TXNDC12: variants seen among roughly 807,000 people sequenced by gnomAD.
TXNDC12 encodes the protein thioredoxin domain containing 12.
Under a neutral mutation model 24.2 loss-of-function variants are expected in TXNDC12, and 22 were observed. The observed-to-expected ratio is 0.91, with a 90% CI of 0.65 to 1.30. TXNDC12 has a LOEUF of 1.30. Among genes scored for constraint, TXNDC12 ranks in the 50% most tolerant of loss-of-function variants. The pLI, the probability that TXNDC12 is intolerant of heterozygous loss-of-function variation, is 0.00. For missense variants in TXNDC12, 184 were observed against 205.8 expected (o/e 0.89, Z 0.65); for synonymous variants, 58 against 73.4 (o/e 0.79, Z 1.07).
Position 52,054,982 on chromosome 1 carries a change from A to G in TXNDC12, c.97+18T>C, listed in dbSNP as rs1266789905. The stretch of plus-strand genomic sequence containing the variant: ...TATAGTAAAGATCAGTAAAGAGAAG[A>G]TAAGAACGCGGTCTGACCCTTTCCA... On this transcript the variant is annotated intron_variant, in intron 1 of 6. Transcript: ENST00000371626. The G allele has an allele frequency of 1.3e-6, 2 of 1,581,102 alleles. No individual in the cohort carries two copies. The highest frequency in any genetic ancestry group is 8.7e-7 in the Non-Finnish European group (1 of 1,150,092).
At chr1:52,029,077 G>A (rs1685716520) in intron 2 of TXNDC12, among the ~76,000 whole-genome samples, 1 of 152,136 alleles carries the variant, frequency 6.6e-6, no homozygotes, top group Admixed American at 6.5e-5. Flanking sequence ...GCAGTGAGCT[G>A]AGACCGCACC....
At chr1:52,055,418 G>A (rs987246097), upstream of TXNDC12, 2 of 289,324 alleles carry the variant, frequency 6.9e-6, no homozygotes, top group Admixed American at 4.7e-5. Flanking sequence ...AGGGGCGGGG[G>A]AGAGGTTCGG....
intron 4 of TXNDC12, among the ~76,000 whole-genome samples, chr1:52,025,363 G>A (rs1041939126): frequency 7.2e-5 from 11 of 151,988 alleles, no homozygotes; most frequent in Non-Finnish European, 1.2e-4. Flanking sequence ...GACTACAGGT[G>A]CCCGCCACCA....
chr1:52,033,302 C>A, intron 2 of TXNDC12: 1 of 1,613,934 alleles, frequency 6.2e-7, no homozygotes, highest in Non-Finnish European at 8.5e-7. Flanking sequence ...GTATGCAGTT[C>A]CCTGAGGACG....
At chr1:52,028,656 A>T (rs780907578) in intron 2 of TXNDC12, 26 bp from the exon 3 acceptor site, 2 of 1,542,110 alleles carry the variant, frequency 1.3e-6, no homozygotes, top group Non-Finnish European at 1.8e-6. Flanking sequence ...AAGAAATTAT[A>T]ATCTAGTAAT....
intron 1 of TXNDC12, among the ~76,000 whole-genome samples, chr1:52,053,256 CT>C (rs1185618578): frequency 6.6e-6 from 1 of 151,980 alleles, no homozygotes; most frequent in Non-Finnish European, 1.5e-5. Context: ...GAGACTCCGT[CT>C]CAAAAACAAA....
At chr1:52,044,387 C>T (rs1686049267) in intron 1 of TXNDC12, 1 of 152,142 alleles carries the variant, frequency 6.6e-6, no homozygotes, top group South Asian at 2.1e-4. Context: ...GAGTGGTACC[C>T]CCTGGTTTTC....
upstream of TXNDC12, chr1:52,055,269 T>C (rs900669521): frequency 8.6e-5 from 51 of 592,036 alleles, no homozygotes; most frequent in Admixed American, 4.4e-4. Context: ...GCCTCCGGGG[T>C]CCGGTTTGGG....
chr1:52,055,481 A>G, upstream of TXNDC12: 1 of 219,546 alleles, frequency 4.6e-6, no homozygotes, highest in Non-Finnish European at 9.3e-6. Context: ...CCCCCCAAGA[A>G]CCGCTGCACT....
At position 52,052,970 on chromosome 1, in the gene TXNDC12, G is replaced by A. The variant is rs191526531; in HGVS notation, c.97+2030C>T. 8.2e-4 allele frequency among the ~76,000 whole-genome samples: 125 copies of A among 152,218 alleles called. 1 individual carries two copies. The highest frequency in any genetic ancestry group is 1.4e-3 in the Non-Finnish European group (98 of 68,030). On this transcript the variant is annotated intron_variant, in intron 1 of 6. Transcript: ENST00000371626. ...ATTAAAACTCAGATCTAGGCCTGGC[G>A]CAGTGGCTCCCGCCTATAATCCCAA...
chr1:52,050,462 T>C (rs183474776), intron 1 of TXNDC12, among the ~76,000 whole-genome samples: 2 of 152,334 alleles, frequency 1.3e-5, no homozygotes, highest in Admixed American at 1.3e-4. Context: ...CAACCATTTC[T>C]AAACACAGCA....
At chr1:52,038,319 T>G (rs1685921708) in intron 2 of TXNDC12, among the ~76,000 whole-genome samples, 1 of 151,954 alleles carries the variant, frequency 6.6e-6, no homozygotes, top group Admixed American at 6.6e-5. Context: ...TATCTTGTTT[T>G]TTTTTTTTTT....
chr1:52,033,404 C>T (rs1341351705), intron 2 of TXNDC12: 1 of 1,451,274 alleles, frequency 6.9e-7, no homozygotes, highest in African/African-American at 1.5e-5. Context: ...TTCGCGCCCG[C>T]CACCTGAGGT....
intron 1 of TXNDC12, among the ~76,000 whole-genome samples, chr1:52,050,330 G>T (rs1686177908): frequency 6.6e-6 from 1 of 152,126 alleles, no homozygotes; most frequent in Non-Finnish European, 1.5e-5. Flanking sequence ...ACATCTGAAG[G>T]CAGTCCAATT....
intron 1 of TXNDC12, among the ~76,000 whole-genome samples, chr1:52,048,008 GA>G (rs1462037783): frequency 6.6e-6 from 1 of 151,220 alleles, no homozygotes; most frequent in Non-Finnish European, 1.5e-5. Flanking sequence ...AGGGCAAAAA[GA>G]AAAAAAAGCA....
At chr1:52,032,664 C>A in intron 2 of TXNDC12, 1 of 1,554,018 alleles carries the variant, frequency 6.4e-7, no homozygotes, top group Non-Finnish European at 8.7e-7. Flanking sequence ...GAGTGGAGAT[C>A]AGAAGCCATG....
upstream of TXNDC12, chr1:52,055,251 T>A: frequency 1.6e-6 from 1 of 613,454 alleles, no homozygotes. Context: ...TAGACGGATG[T>A]GGGTGGTGCC....
chr1:52,054,995 C>A lies in TXNDC12; in HGVS notation c.97+5G>T. 2 of 1,610,020 alleles carry A rather than the reference C, an allele frequency of 1.2e-6. No individual in the cohort carries two copies. Among genetic ancestry groups the A allele is most frequent in the South Asian group, 2.2e-5 (2 of 90,956 alleles). The stretch of plus-strand genomic sequence containing the variant: ...AGTAAAGAGAAGATAAGAACGCGGT[C>A]TGACCCTTTCCAAGCCCATTATGTC... On this transcript the variant is annotated splice_donor_5th_base_variant and intron_variant, in intron 1 of 6. Coordinates refer to ENST00000371626, the MANE Select transcript of TXNDC12 (RefSeq NM_015913.4).
chr1:52,051,254 C>T lies in TXNDC12; in HGVS notation c.97+3746G>A, dbSNP rs3737583. On this transcript the variant is annotated intron_variant, in intron 1 of 6. Coordinates refer to ENST00000371626, the MANE Select transcript of TXNDC12 (RefSeq NM_015913.4). ...GTAATTATTTTGGAACTCTATAGAA[C>T]GTTAGAGCTGGAAGAGATCTTAGGA... Among the ~76,000 whole-genome samples the T allele has an allele frequency of 5.0e-3, 764 of 152,252 alleles. 13 individuals are homozygous for T. In the South Asian group the frequency reaches 0.058, roughly 11 times the overall value.
Sources: gnomAD v4.1 joint callset for allele counts (sites outside exome capture counted in the v4.1 genomes callset) on GRCh38, gnomAD v4.1.1 for gene constraint, MANE v1.5 for transcripts, NCBI Gene and HGNC (gene_info 2026-07-23, HGNC 2026-07-21) for gene names.